CFAP54: variants seen among roughly 807,000 people sequenced by gnomAD.
The protein encoded by CFAP54 is cilia and flagella associated protein 54.
In CFAP54, 290 loss-of-function variants were observed where a neutral mutation model predicts 370.4. The observed-to-expected ratio is 0.78, with a 90% CI of 0.71 to 0.86. The LOEUF (loss-of-function observed/expected upper bound fraction) is 0.86, where lower values mean the gene tolerates loss of function less well. Among genes scored for constraint, CFAP54 ranks in the 40% least tolerant of loss-of-function variants. CFAP54 has a pLI of 0.00. For synonymous variants in CFAP54, 1,206 were observed against 1,236.5 expected (o/e 0.98, Z 0.52); for missense variants, 3,399 against 3,528.7 (o/e 0.96, Z 0.93).
intron 64 of CFAP54, among the ~76,000 whole-genome samples, chr12:96,816,415 A>C (rs1393798780): frequency 1.3e-5 from 2 of 152,196 alleles, no homozygotes; most frequent in African/African-American, 4.8e-5. Context: ...TAAGTTTTTC[A>C]AGTAAACTTT....
intron 19 of CFAP54, among the ~76,000 whole-genome samples, chr12:96,573,199 T>A (rs1407325392): frequency 6.6e-6 from 1 of 152,210 alleles, no homozygotes; most frequent in African/African-American, 2.4e-5. Flanking sequence ...TTTTGCATAA[T>A]TTTTCCTTAG....
intron 19 of CFAP54, chr12:96,573,149 A>G (rs1955940916): frequency 3.0e-6 from 2 of 655,840 alleles, no homozygotes; most frequent in South Asian, 6.8e-5. Flanking sequence ...TATGTCTCCA[A>G]ATTTCCAAGG....
At chr12:96,633,983 G>T (rs1019242588) in intron 32 of CFAP54, among the ~76,000 whole-genome samples, 1 of 148,510 alleles carries the variant, frequency 6.7e-6, no homozygotes, top group Non-Finnish European at 1.5e-5. Context: ...TATTAAAATA[G>T]GTGTGTAGTG....
At position 96,764,188 on chromosome 12, in the gene CFAP54, C is replaced by G; in HGVS notation, c.8078C>G (p.Ser2693Ter). The G allele has an allele frequency of 6.2e-7, 1 of 1,613,110 alleles. No homozygotes were observed. Among genetic ancestry groups the G allele is most frequent in the African/African-American group, 1.3e-5 (1 of 75,012 alleles). ...LRRSSSVKET[S>*]ANKFEMYSSL... Reference sequence around the variant, plus strand: ...AGAAGTAGTTCTGTTAAAGAAACATCAGCAAATAAATTTGAAATGTACAGT... The same window carrying G: ...AGAAGTAGTTCTGTTAAAGAAACATGAGCAAATAAATTTGAAATGTACAGT... The change falls in exon 59 of 68, where the codon TCA becomes TGA. Residue 2693 changes from serine to a stop codon, truncating the protein, a stop_gained. Transcript: ENST00000524981. LOFTEE classifies it high-confidence loss of function.
rs145508385 is a variant in CFAP54 at position 96,756,727 on chromosome 12, C to T, written c.7946+164C>T. The stretch of plus-strand genomic sequence containing the variant: ...TGTTGCTCTTTGTTCTGACCCAAAG[C>T]CTCCTTTAAAGTAATGGTAAATGAT... On this transcript the variant is annotated intron_variant, in intron 57 of 67. Coordinates refer to ENST00000524981, the MANE Select transcript of CFAP54 (RefSeq NM_001306084.2). 4.4e-3 allele frequency among the ~76,000 whole-genome samples: 667 copies of T among 152,288 alleles called. 9 individuals carry two copies. The highest frequency in any genetic ancestry group is 0.041 in the South Asian group (198 of 4,828).
chr12:96,743,175 C>G (rs1239509935), intron 52 of CFAP54, among the ~76,000 whole-genome samples: 6 of 152,182 alleles, frequency 3.9e-5, no homozygotes, highest in Non-Finnish European at 8.8e-5. Context: ...TAAATTATCT[C>G]ATGCAATATC....
chr12:96,607,058 C>T (rs557759705), intron 26 of CFAP54, among the ~76,000 whole-genome samples: 1 of 152,322 alleles, frequency 6.6e-6, no homozygotes, highest in South Asian at 2.1e-4. Flanking sequence ...CTACCCTCCA[C>T]CTTAGCAAAG....
chr12:96,781,303 C>A (rs563757851), intron 60 of CFAP54, among the ~76,000 whole-genome samples: 2 of 152,218 alleles, frequency 1.3e-5, no homozygotes, highest in Non-Finnish European at 2.9e-5. Flanking sequence ...TTTACGAATT[C>A]ATGGTCCAAA....
At chr12:96,858,746 A>T (rs1332352004) in intron 66 of CFAP54, among the ~76,000 whole-genome samples, 2 of 152,222 alleles carry the variant, frequency 1.3e-5, no homozygotes, top group African/African-American at 2.4e-5. Flanking sequence ...ATCAGGGAAG[A>T]CACAAACAAA....
chr12:96,674,502 C>A (rs1347562560), intron 39 of CFAP54, among the ~76,000 whole-genome samples: 1 of 151,938 alleles, frequency 6.6e-6, no homozygotes, highest in Non-Finnish European at 1.5e-5. Flanking sequence ...GAAGCTAATG[C>A]CGCCTCCTCA....
intron 35 of CFAP54, 74 bp from the exon 36 acceptor site, chr12:96,651,514 G>A: frequency 8.2e-7 from 1 of 1,215,832 alleles, no homozygotes; most frequent in Non-Finnish European, 1.2e-6. Context: ...ATAATATTTG[G>A]AAAAAGATGA....
Position 96,744,118 on chromosome 12 carries a change from G to A in CFAP54, c.7656G>A (p.Met2552Ile), listed in dbSNP as rs995917850. 5.0e-6 allele frequency: 8 copies of A among 1,608,414 alleles called. No individual in the cohort carries two copies. The African/African-American group carries it at 1.1e-4, about 22-fold the overall frequency. ...AAAATATCTATCTTCCCCATGTCAT[G>A]TTATTGGCCAAAATAAAAATGAGAA... ...PLKNIYLPHVMLLAKIKMRIG... is the reference protein window; with the variant it reads ...PLKNIYLPHVILLAKIKMRIG... The change falls in exon 55 of 68, where the codon ATG becomes ATA. Residue 2552 changes from methionine (M) to isoleucine (I), a missense_variant. By Grantham distance (10) the Met-to-Ile change is conservative (BLOSUM62 1). Coordinates refer to ENST00000524981, the MANE Select transcript of CFAP54 (RefSeq NM_001306084.2).
At chr12:96,827,638 T>C (rs1171380966) in intron 65 of CFAP54, among the ~76,000 whole-genome samples, 1 of 122,968 alleles carries the variant, frequency 8.1e-6, no homozygotes, top group African/African-American at 2.9e-5. Flanking sequence ...ATATAATGTG[T>C]AATATGATAC....
intron 51 of CFAP54, among the ~76,000 whole-genome samples, chr12:96,741,362 C>T (rs1565961268): frequency 6.6e-6 from 1 of 152,126 alleles, no homozygotes; most frequent in Non-Finnish European, 1.5e-5. Context: ...AGAGTTTCAC[C>T]ATATTGGTCA....
chr12:96,629,450 C>T (rs1054491579), intron 30 of CFAP54, among the ~76,000 whole-genome samples: 7 of 150,530 alleles, frequency 4.7e-5, no homozygotes, highest in African/African-American at 7.3e-5. Context: ...CTACAGTAGG[C>T]GCCTGCCACC....
At chr12:96,826,863 T>G (rs1400142391) in intron 65 of CFAP54, among the ~76,000 whole-genome samples, 16 of 118,406 alleles carry the variant, frequency 1.4e-4, no homozygotes, top group African/African-American at 5.2e-4. Context: ...ATATATTATA[T>G]AATATTATGA....
At chr12:96,761,046 T>G (rs993879439) in intron 58 of CFAP54, among the ~76,000 whole-genome samples, 8 of 152,246 alleles carry the variant, frequency 5.3e-5, no homozygotes, top group African/African-American at 1.9e-4. Flanking sequence ...TGTCAGATTG[T>G]TTTCAAAGGT....
chr12:96,644,666 A>T (rs976904715), intron 33 of CFAP54, among the ~76,000 whole-genome samples: 5 of 152,186 alleles, frequency 3.3e-5, no homozygotes, highest in African/African-American at 1.2e-4. Flanking sequence ...TAGAAGGGGA[A>T]GCAAACATGT....
chr12:96,723,879 C>G (rs900929198), intron 50 of CFAP54, among the ~76,000 whole-genome samples: 1 of 134,990 alleles, frequency 7.4e-6, no homozygotes, highest in African/African-American at 2.8e-5. Context: ...CTTCCTGTGT[C>G]CATGTGTTCT....
Sources: allele counts gnomAD v4.1 joint callset (sites outside exome capture counted in the v4.1 genomes callset), GRCh38; gene constraint gnomAD v4.1.1; transcripts MANE v1.5; gene names NCBI Gene and HGNC (gene_info 2026-07-23, HGNC 2026-07-21).